PALM2AKAP2: variants seen among roughly 807,000 people sequenced by gnomAD.
The protein encoded by PALM2AKAP2 is PALM2 and AKAP2 fusion.
Under a neutral mutation model 71.5 loss-of-function variants are expected in PALM2AKAP2, and 37 were observed. The observed-to-expected ratio is 0.52, with a 90% confidence interval of 0.40 to 0.68. The LOEUF (loss-of-function observed/expected upper bound fraction) is 0.68, where lower values mean the gene tolerates loss of function less well. Among genes scored for constraint, PALM2AKAP2 ranks in the 30% least tolerant of loss-of-function variants. PALM2AKAP2 has a pLI of 0.00. For synonymous variants in PALM2AKAP2, 468 were observed against 478.8 expected (o/e 0.98, Z 0.29); for missense variants, 1,224 against 1,191.8 (o/e 1.03, Z -0.40).
intron 1 of PALM2AKAP2, among the ~76,000 whole-genome samples, chr9:109,808,524 T>A (rs1564158370): frequency 6.6e-6 from 1 of 152,208 alleles, no homozygotes; most frequent in Admixed American, 6.5e-5. Context: ...TTTTATATAT[T>A]CACAAATATA....
chr9:110,133,364 A>G (rs779329831), intron 1 of PALM2AKAP2, among the ~76,000 whole-genome samples: 2 of 152,052 alleles, frequency 1.3e-5, no homozygotes, highest in Non-Finnish European at 2.9e-5. Context: ...TCTAATATAG[A>G]CTTAGGGCTT....
intron 4 of PALM2AKAP2, 39 bp from the exon 5 acceptor site, chr9:109,925,022 C>G (rs375519506): frequency 6.2e-7 from 1 of 1,613,856 alleles, no homozygotes; most frequent in African/African-American, 1.3e-5. Context: ...TGTACCCCCA[C>G]ATGTAGAGTA....
rs569054365 is a variant in PALM2AKAP2 at position 110,156,544 on chromosome 9, C to T, written c.2748+47C>T. The T allele has an allele frequency of 1.9e-5, 29 of 1,537,584 alleles. No individual in the cohort carries two copies. In the Admixed American group the frequency reaches 2.5e-4, roughly 13 times the overall value. On this transcript the variant is annotated intron_variant, in intron 3 of 3. Coordinates refer to ENST00000374525, the Ensembl canonical transcript of PALM2AKAP2. ...CTTTCACTTCTCTGAGCGCGGCCATCGGTGTGGCGTGTGGCATTCCAGTTC... is the reference window on the plus strand; with the variant it reads ...CTTTCACTTCTCTGAGCGCGGCCATTGGTGTGGCGTGTGGCATTCCAGTTC...
intron 3 of PALM2AKAP2, among the ~76,000 whole-genome samples, chr9:110,167,523 C>T (rs978392887): frequency 3.3e-5 from 5 of 152,184 alleles, no homozygotes; most frequent in East Asian, 1.9e-4. Context: ...AGTCTCCTCT[C>T]GGGATTCCAC....
intron 1 of PALM2AKAP2, among the ~76,000 whole-genome samples, chr9:109,834,506 G>C (rs1177363990): frequency 6.6e-6 from 1 of 152,216 alleles, no homozygotes; most frequent in Non-Finnish European, 1.5e-5. Flanking sequence ...ATGTGAAGTT[G>C]TGTGGAGTCT....
exon 4 of PALM2AKAP2, chr9:110,168,603 C>A: frequency 7.6e-7 from 1 of 1,315,726 alleles, no homozygotes; most frequent in Non-Finnish European, 1.0e-6. Flanking sequence ...TGCAAACAAA[C>A]TCAGCAATCC....
intron 6 of PALM2AKAP2, among the ~76,000 whole-genome samples, chr9:110,006,095 A>T (rs1458221756): frequency 6.6e-6 from 1 of 152,156 alleles, no homozygotes; most frequent in African/African-American, 2.4e-5. Flanking sequence ...GAAATGCAGA[A>T]ATCGTTTGTC....
intron 1 of PALM2AKAP2, among the ~76,000 whole-genome samples, chr9:109,700,937 T>C (rs761839189): frequency 9.9e-5 from 15 of 152,174 alleles, no homozygotes; most frequent in Non-Finnish European, 1.6e-4. Flanking sequence ...ATGTCAATAA[T>C]ATGACTGGAA....
At chr9:110,094,133 C>A (rs1834779436) in intron 1 of PALM2AKAP2, among the ~76,000 whole-genome samples, 1 of 152,212 alleles carries the variant, frequency 6.6e-6, no homozygotes, top group South Asian at 2.1e-4. Context: ...ACCCTGCTTA[C>A]CATTGCACTG....
intron 1 of PALM2AKAP2, among the ~76,000 whole-genome samples, chr9:110,097,978 G>A (rs1387922523): frequency 6.9e-6 from 1 of 144,222 alleles, no homozygotes; most frequent in African/African-American, 2.8e-5. Flanking sequence ...GGCCAACACA[G>A]CGAAACCCCG....
intron 1 of PALM2AKAP2, among the ~76,000 whole-genome samples, chr9:110,122,058 C>T (rs980022188): frequency 4.6e-5 from 7 of 152,214 alleles, no homozygotes; most frequent in African/African-American, 1.7e-4. Context: ...CTCTTGCTGC[C>T]TTACATTACA....
intron 6 of PALM2AKAP2, among the ~76,000 whole-genome samples, chr9:109,986,206 A>G (rs1043763859): frequency 6.6e-6 from 1 of 152,166 alleles, no homozygotes; most frequent in African/African-American, 2.4e-5. Flanking sequence ...GCTGCGTGAA[A>G]GTTTAGGGGG....
chr9:109,915,751 T>C (rs1366162433), intron 3 of PALM2AKAP2, among the ~76,000 whole-genome samples: 1 of 152,122 alleles, frequency 6.6e-6, no homozygotes, highest in South Asian at 2.1e-4. Flanking sequence ...TTACTGTATC[T>C]AGCAAAAACA....
rs148256947 is a variant in PALM2AKAP2, at chr9:109,957,406, G to T, written c.496+25378G>T. ...CCTGGGCGTTAGCAAGCTGACTCCC[G>T]CACAGAAGACTTCTTGGTTGACTCT... On this transcript the variant is annotated intron_variant, in intron 6 of 9. Transcript: ENST00000302798. Among the ~76,000 whole-genome samples, 497 of 152,310 alleles carry T rather than the reference G, an allele frequency of 3.3e-3. 6 individuals carry two copies. Among genetic ancestry groups the T allele is most frequent in the African/African-American group, 0.011 (471 of 41,574 alleles).
At chr9:109,824,277 C>G (rs1395901347) in intron 1 of PALM2AKAP2, among the ~76,000 whole-genome samples, 1 of 152,196 alleles carries the variant, frequency 6.6e-6, no homozygotes, top group East Asian at 1.9e-4. Flanking sequence ...TGACATGCCC[C>G]TCTCTTCATG....
At chr9:109,812,098 C>T (rs1564159888) in intron 1 of PALM2AKAP2, among the ~76,000 whole-genome samples, 2 of 152,196 alleles carry the variant, frequency 1.3e-5, no homozygotes, top group South Asian at 2.1e-4. Context: ...CATGAGGTTT[C>T]TGGTCATAGG....
intron 1 of PALM2AKAP2, among the ~76,000 whole-genome samples, chr9:109,645,583 A>G (rs10816845): frequency 0.65 from 98,126 of 151,222 alleles, 32,259 homozygotes; most frequent in African/African-American, 0.74. Context: ...AAAAGAGAAT[A>G]AAATCATGTC....
intron 3 of PALM2AKAP2, among the ~76,000 whole-genome samples, chr9:109,902,642 T>C (rs1054679175): frequency 2.6e-5 from 4 of 152,272 alleles, no homozygotes; most frequent in Admixed American, 2.6e-4. Context: ...AATGCATTGA[T>C]GAATGTATTC....
At chr9:109,971,283 CTTTTT>C (rs11392589) in intron 6 of PALM2AKAP2, among the ~76,000 whole-genome samples, 1 of 45,640 alleles carries the variant, frequency 2.2e-5, no homozygotes, top group African/African-American at 1.2e-4. Flanking sequence ...CTCTTAGTCC[CTTTTT>C]TTTTTTTTTT....
Sources: allele counts gnomAD v4.1 joint callset (sites outside exome capture counted in the v4.1 genomes callset), GRCh38; gene constraint gnomAD v4.1.1; transcripts MANE v1.5; gene names NCBI Gene and HGNC (gene_info 2026-07-23, HGNC 2026-07-21).